CADM2: variants seen among roughly 807,000 people sequenced by gnomAD.
CADM2 encodes the protein cell adhesion molecule 2.
A neutral mutation model predicts 49.8 loss-of-function variants in CADM2; 12 were observed. The ratio of observed to expected loss-of-function variants is 0.24; its 90% confidence interval spans 0.15 to 0.39. The LOEUF (loss-of-function observed/expected upper bound fraction) is 0.39, where lower values mean the gene tolerates loss of function less well. Among genes scored for constraint, CADM2 ranks in the 10% least tolerant of loss-of-function variants. The pLI is 1.00. For synonymous variants in CADM2, 214 were observed against 175.4 expected (o/e 1.22, Z -1.74); for missense variants, 378 against 492.3 (o/e 0.77, Z 2.20).
chr3:85,501,064 C>T (rs963334135), intron 1 of CADM2, among the ~76,000 whole-genome samples: 1 of 152,006 alleles, frequency 6.6e-6, no homozygotes, highest in African/African-American at 2.4e-5. Context: ...AAAATATAAA[C>T]GAATGTCACC....
At chr3:85,961,945 A>AT (rs1234795711) in intron 8 of CADM2, among the ~76,000 whole-genome samples, 14 of 150,908 alleles carry the variant, frequency 9.3e-5, no homozygotes, top group Non-Finnish European at 1.0e-4. Context: ...TTTATTTTTT[A>AT]TTTTTTTTGG....
intron 3 of CADM2, among the ~76,000 whole-genome samples, chr3:85,871,515 T>C (rs2075927411): frequency 6.6e-6 from 1 of 152,140 alleles, no homozygotes; most frequent in African/African-American, 2.4e-5. Flanking sequence ...AGATATATAT[T>C]ATCTATGTAA....
chr3:85,749,362 T>C (rs999246682), intron 2 of CADM2, among the ~76,000 whole-genome samples: 4 of 152,004 alleles, frequency 2.6e-5, no homozygotes, highest in African/African-American at 9.7e-5. Context: ...TTATATGAGT[T>C]TCATTTTTAT....
chr3:85,118,765 T>C (rs916767202), intron 1 of CADM2, among the ~76,000 whole-genome samples: 5 of 152,202 alleles, frequency 3.3e-5, no homozygotes, highest in African/African-American at 4.8e-5. Context: ...ACTTATTTAT[T>C]TGAGACAAAG....
intron 1 of CADM2, among the ~76,000 whole-genome samples, chr3:85,493,597 T>G (rs532990411): frequency 5.9e-5 from 9 of 152,196 alleles, no homozygotes; most frequent in Non-Finnish European, 1.2e-4. Flanking sequence ...TTCCTATTTT[T>G]AAAAAACTTT....
intron 1 of CADM2, among the ~76,000 whole-genome samples, chr3:85,610,267 A>T (rs1314158783): frequency 6.6e-6 from 1 of 151,958 alleles, no homozygotes; most frequent in East Asian, 1.9e-4. Flanking sequence ...CCATGATGTA[A>T]CTATTTGAAT....
intron 1 of CADM2, among the ~76,000 whole-genome samples, chr3:85,603,426 G>T (rs2063467469): frequency 6.6e-6 from 1 of 151,782 alleles, no homozygotes; most frequent in Admixed American, 6.6e-5. Flanking sequence ...CAAGTTGTTA[G>T]CCTACACATT....
At chr3:84,962,986 T>A (rs1007063233) in intron 1 of CADM2, among the ~76,000 whole-genome samples, 5 of 152,230 alleles carry the variant, frequency 3.3e-5, no homozygotes, top group Admixed American at 6.5e-5. Context: ...GAGTTTTTTT[T>A]AAAAGGCTTA....
intron 1 of CADM2, among the ~76,000 whole-genome samples, chr3:85,173,622 T>TTTTTTATTTTTATTTTTATTTTTATTTC (rs2040696517): frequency 6.6e-6 from 1 of 152,144 alleles, no homozygotes; most frequent in African/African-American, 2.4e-5. Flanking sequence ...AATATAAAGA[T>TTTTTTATTTTTATTTTTATTTTTATTTC]GACAGGAAGA....
intron 1 of CADM2, among the ~76,000 whole-genome samples, chr3:85,311,473 T>G (rs2044342184): frequency 6.6e-6 from 1 of 151,842 alleles, no homozygotes; most frequent in Non-Finnish European, 1.5e-5. Flanking sequence ...CCTCCCGGGT[T>G]CATGCCATTC....
At chr3:85,920,800 T>A (rs1719002842) in intron 6 of CADM2, among the ~76,000 whole-genome samples, 1 of 151,616 alleles carries the variant, frequency 6.6e-6, no homozygotes, top group Admixed American at 6.6e-5. Context: ...TGTGTGTGTG[T>A]TATTAAAACT....
At chr3:85,766,787 T>A (rs1559641985) in intron 2 of CADM2, among the ~76,000 whole-genome samples, 1 of 152,192 alleles carries the variant, frequency 6.6e-6, no homozygotes, top group Non-Finnish European at 1.5e-5. Flanking sequence ...TATTGTTGAA[T>A]AGCAGGAGAA....
chr3:85,355,678 G>A (rs749423474), intron 1 of CADM2, among the ~76,000 whole-genome samples: 5 of 152,112 alleles, frequency 3.3e-5, no homozygotes, highest in Non-Finnish European at 5.9e-5. Context: ...ATAGAGTTGC[G>A]ATGTCAGATA....
intron 8 of CADM2, among the ~76,000 whole-genome samples, chr3:86,022,646 A>T (rs560851247): frequency 6.6e-6 from 1 of 152,278 alleles, no homozygotes. Flanking sequence ...AAAAATATGC[A>T]TAATAGCCAT....
At chr3:86,063,337 A>C (rs973465315) in intron 8 of CADM2, among the ~76,000 whole-genome samples, 36 of 152,236 alleles carry the variant, frequency 2.4e-4, no homozygotes, top group African/African-American at 8.7e-4. Context: ...TTTGGAATTA[A>C]ACCAAGAATG....
At chr3:85,514,003 G>A (rs745536568) in intron 1 of CADM2, among the ~76,000 whole-genome samples, 16 of 152,032 alleles carry the variant, frequency 1.1e-4, no homozygotes, top group Non-Finnish European at 2.2e-4. Context: ...TATAGACTGG[G>A]TCAAGCATCG....
At chr3:85,825,326 T>C (rs12494658) in intron 3 of CADM2, among the ~76,000 whole-genome samples, 32,462 of 151,974 alleles carry the variant, frequency 0.21, 4,037 homozygotes, top group East Asian at 0.47. Flanking sequence ...GAATAGCTCA[T>C]GGACCAGAAA....
intron 1 of CADM2, among the ~76,000 whole-genome samples, chr3:85,666,748 G>C (rs1344441959): frequency 2.6e-5 from 4 of 151,684 alleles, no homozygotes; most frequent in Non-Finnish European, 5.9e-5. Context: ...AAGATCTTCA[G>C]GGGAGAAGGG....
At chr3:85,305,656 A>T (rs910316313) in intron 1 of CADM2, among the ~76,000 whole-genome samples, 1 of 151,712 alleles carries the variant, frequency 6.6e-6, no homozygotes, top group Admixed American at 6.6e-5. Context: ...CCAAAATCAG[A>T]ATATTAACCA....
Sources: allele counts gnomAD v4.1 joint callset (sites outside exome capture counted in the v4.1 genomes callset), GRCh38; gene constraint gnomAD v4.1.1; transcripts MANE v1.5; gene names NCBI Gene and HGNC (gene_info 2026-07-23, HGNC 2026-07-21).